The following PALM2AKAP2 variants were observed in gnomAD, a reference collection of about 807,000 sequenced individuals.
PALM2AKAP2 encodes PALM2-AKAP2 fusion protein.
PALM2AKAP2 carries 37 observed loss-of-function variants against 71.5 expected under a neutral mutation model. The observed-to-expected ratio is 0.52, with a 90% CI of 0.40 to 0.68. The LOEUF is 0.68. Among genes scored for constraint, PALM2AKAP2 ranks in the 30% least tolerant of loss-of-function variants. The pLI is 0.00. For synonymous variants in PALM2AKAP2, 468 were observed against 478.8 expected, an observed-to-expected ratio of 0.98 and a Z score of 0.29; for missense variants, 1,224 against 1,191.8, an observed-to-expected ratio of 1.03 and a Z score of -0.40.
chr9:110,104,439 C>T (rs946329736), intron 1 of PALM2AKAP2, among the ~76,000 whole-genome samples: 1 of 152,186 alleles, frequency 6.6e-6, no homozygotes, highest in Admixed American at 6.5e-5. Context: ...ACAGTTAATT[C>T]GCTTGTGTTC....
At chr9:109,997,101 A>C (rs1328289094) in intron 6 of PALM2AKAP2, among the ~76,000 whole-genome samples, 1 of 152,168 alleles carries the variant, frequency 6.6e-6, no homozygotes, top group Non-Finnish European at 1.5e-5. Flanking sequence ...AGGTGAAAGG[A>C]TCACTTGAGC....
chr9:109,857,438 G>T (rs189922382), intron 1 of PALM2AKAP2, among the ~76,000 whole-genome samples: 1 of 152,320 alleles, frequency 6.6e-6, no homozygotes, highest in Non-Finnish European at 1.5e-5. Context: ...ACCTATTTTT[G>T]TTTGAAATTG....
At position 110,137,791 on chromosome 9, in the gene PALM2AKAP2, G is replaced by A. The variant is rs778060998; in HGVS notation, c.1821G>A (p.Leu607=). 1.2e-5 allele frequency: 20 copies of A among 1,614,156 alleles called. 1 individual carries two copies. The South Asian group carries it at 2.0e-4, about 16-fold the overall frequency. Residue 607 remains leucine (L), a synonymous_variant, in exon 2 of 4, where the codon CTG becomes CTA. Transcript: ENST00000374525. ...CCAATGCCCTCCAGGAAAATTCACT[G>A]GCTGATTTTTCTCTGCCCCAGACAC...
chr9:109,709,616 G>A (rs1167679009), intron 1 of PALM2AKAP2, among the ~76,000 whole-genome samples: 2 of 152,166 alleles, frequency 1.3e-5, no homozygotes, highest in Non-Finnish European at 2.9e-5. Context: ...CAGAGGGGTA[G>A]CAGGAGCTGA....
At position 110,151,046 on chromosome 9, in the gene PALM2AKAP2, G is replaced by A. The variant is rs1257833963; in HGVS notation, c.2570-5273G>A. On this transcript the variant is annotated intron_variant, in intron 2 of 3. Coordinates refer to ENST00000374525, the Ensembl canonical transcript of PALM2AKAP2. ...AAAAAACACAGTGCTGAACGTTCTT[G>A]TACATGAGCTGTGTGCCCATACTTA... Among the ~76,000 whole-genome samples the A allele has an allele frequency of 2.0e-5, 3 of 152,306 alleles. No homozygotes were observed. The East Asian group carries it at 5.8e-4, about 29-fold the overall frequency.
chr9:109,695,319 C>T (rs761326024), intron 1 of PALM2AKAP2, among the ~76,000 whole-genome samples: 4 of 152,058 alleles, frequency 2.6e-5, no homozygotes, highest in Admixed American at 6.6e-5. Flanking sequence ...GTATTCCCAG[C>T]GGTGGGATTG....
At chr9:110,164,064 T>C (rs1434089707) in intron 3 of PALM2AKAP2, among the ~76,000 whole-genome samples, 1 of 152,214 alleles carries the variant, frequency 6.6e-6, no homozygotes, top group Non-Finnish European at 1.5e-5. Flanking sequence ...TTATCAGTAA[T>C]TTTCTTTCAT....
At chr9:109,908,539 G>T (rs1830499714) in intron 3 of PALM2AKAP2, among the ~76,000 whole-genome samples, 1 of 152,208 alleles carries the variant, frequency 6.6e-6, no homozygotes, top group Non-Finnish European at 1.5e-5. Flanking sequence ...CAAGTGCAAA[G>T]AATTGAATAA....
intron 7 of PALM2AKAP2, among the ~76,000 whole-genome samples, chr9:110,031,516 T>C (rs1269404214): frequency 6.6e-6 from 1 of 152,218 alleles, no homozygotes; most frequent in South Asian, 2.1e-4. Context: ...AGCTAACATA[T>C]ATTGAGAACT....
At chr9:109,640,975 A>T (rs1164265948) in intron 1 of PALM2AKAP2, 1 of 1,384,680 alleles carries the variant, frequency 7.2e-7, no homozygotes, top group Non-Finnish European at 9.4e-7. Context: ...ATGGGTGTTT[A>T]ATTTCAGCCC....
At chr9:109,817,988 T>C (rs1426012234) in intron 1 of PALM2AKAP2, among the ~76,000 whole-genome samples, 3 of 152,344 alleles carry the variant, frequency 2.0e-5, no homozygotes, top group East Asian at 1.9e-4. Flanking sequence ...ACTTCATTCA[T>C]AGAAATGCGC....
chr9:109,664,074 G>T (rs1827440902), intron 1 of PALM2AKAP2, among the ~76,000 whole-genome samples: 1 of 152,070 alleles, frequency 6.6e-6, no homozygotes, highest in South Asian at 2.1e-4. Flanking sequence ...TTTTGAGCCT[G>T]TGTGTGTCTT....
At chr9:109,801,339 C>T (rs1368019325) in intron 1 of PALM2AKAP2, among the ~76,000 whole-genome samples, 1 of 152,080 alleles carries the variant, frequency 6.6e-6, no homozygotes, top group African/African-American at 2.4e-5. Context: ...AGGAGGAAGT[C>T]TATGGACAAT....
At chr9:109,715,680 T>A (rs1461665359) in intron 1 of PALM2AKAP2, among the ~76,000 whole-genome samples, 2 of 152,176 alleles carry the variant, frequency 1.3e-5, no homozygotes, top group Non-Finnish European at 2.9e-5. Context: ...TAAAAAAGGA[T>A]CTCCTTCTGA....
chr9:110,050,881 G>T (rs963306362), intron 1 of PALM2AKAP2, among the ~76,000 whole-genome samples: 3 of 152,124 alleles, frequency 2.0e-5, no homozygotes, highest in African/African-American at 7.2e-5. Context: ...ACCTGCCTCG[G>T]CCTCCCAAAG....
upstream of PALM2AKAP2, among the ~76,000 whole-genome samples, chr9:109,778,048 C>T (rs544351834): frequency 2.6e-5 from 4 of 152,280 alleles, no homozygotes; most frequent in African/African-American, 4.8e-5. Context: ...AAATTTATTG[C>T]GGTTAAAAAT....
chr9:109,825,100 T>G (rs555829421), intron 1 of PALM2AKAP2, among the ~76,000 whole-genome samples: 2 of 152,304 alleles, frequency 1.3e-5, no homozygotes, highest in South Asian at 2.1e-4. Context: ...AAACTAGCAG[T>G]CAAATAAAAC....
intron 1 of PALM2AKAP2, among the ~76,000 whole-genome samples, chr9:109,830,074 G>A (rs1227679956): frequency 6.6e-6 from 1 of 152,104 alleles, no homozygotes; most frequent in Non-Finnish European, 1.5e-5. Flanking sequence ...ATGTTTTTCA[G>A]GCCTTGTGGT....
intron 1 of PALM2AKAP2, among the ~76,000 whole-genome samples, chr9:109,745,803 G>A (rs925256064): frequency 6.6e-6 from 1 of 152,126 alleles, no homozygotes; most frequent in Non-Finnish European, 1.5e-5. Flanking sequence ...AATGGTCTGG[G>A]TTGCCCTAGT....
Sources: allele counts gnomAD v4.1 joint callset (sites outside exome capture counted in the v4.1 genomes callset), GRCh38; gene constraint gnomAD v4.1.1; transcripts MANE v1.5; gene names NCBI Gene and HGNC (gene_info 2026-07-23, HGNC 2026-07-21).